The following ZNF362 variants were observed in gnomAD, a reference collection of about 807,000 sequenced individuals.
ZNF362 encodes zinc finger protein 362, also known as rotund homolog.
Under a neutral mutation model 42.9 loss-of-function variants are expected in ZNF362, and 11 were observed. That is an observed-to-expected ratio of 0.26 (90% CI 0.16 to 0.42). The LOEUF (loss-of-function observed/expected upper bound fraction) is 0.42, where lower values mean the gene tolerates loss of function less well. ZNF362 is among the 20% of genes least tolerant of loss of function. The pLI is 1.00. For missense variants in ZNF362, 362 were observed against 576.2 expected (o/e 0.63, Z 3.81); for synonymous variants, 255 against 257.3 (o/e 0.99, Z 0.09).
intron 6 of ZNF362, among the ~76,000 whole-genome samples, chr1:33,291,113 G>T (rs1442647674): frequency 1.3e-5 from 2 of 152,086 alleles, no homozygotes; most frequent in East Asian, 3.8e-4. Flanking sequence ...CATTGCTTTT[G>T]GTGTTTTAGA....
the ZNF362 span, among the ~76,000 whole-genome samples, chr1:33,229,540 G>A: frequency 6.6e-6 from 1 of 151,810 alleles, no homozygotes; most frequent in Non-Finnish European, 1.5e-5. Flanking sequence ...CTGAGTAGCT[G>A]GGATTACAGG....
chr1:33,280,278 C>T lies in ZNF362; in HGVS notation c.504C>T (p.Thr168=), dbSNP rs1645982720. 1 of 1,614,102 alleles carries T rather than the reference C, an allele frequency of 6.2e-7. No homozygotes were observed. Among genetic ancestry groups the T allele is most frequent in the Non-Finnish European group, 8.5e-7 (1 of 1,179,946 alleles). Reference sequence around the variant, plus strand: ...CCCCCACCCTCATCTCAGGGATCACCAGCCCCCCTCTCCTGGACTCCATCA... The same window carrying T: ...CCCCCACCCTCATCTCAGGGATCACTAGCCCCCCTCTCCTGGACTCCATCA... ...ASSPTLISGI[T]SPPLLDSIKT... is the part of the protein sequence containing the mutation. Residue 168 remains threonine (T), a synonymous_variant, in exon 5 of 9, where the codon ACC becomes ACT. Transcript: ENST00000539719. The surrounding 1 kb of genome is among the most constrained non-coding windows in gnomAD (Gnocchi z 5.6).
chr1:33,177,849 G>A, the ZNF362 span, among the ~76,000 whole-genome samples: 1 of 152,166 alleles, frequency 6.6e-6, no homozygotes, highest in Admixed American at 6.6e-5. This position sits in a 1 kb window ranked among gnomAD's most constrained non-coding sequence, Gnocchi z 4.1. Context: ...GCCAAGTGCA[G>A]TACTAAGTTT....
At chr1:33,244,527 G>A in the ZNF362 span, among the ~76,000 whole-genome samples, 1 of 152,222 alleles carries the variant, frequency 6.6e-6, no homozygotes, top group African/African-American at 2.4e-5. This position sits in a 1 kb window ranked among gnomAD's most constrained non-coding sequence, Gnocchi z 4.0. Context: ...TTTTGTGAGC[G>A]AAAGTCCTTC....
chr1:33,272,808 C>T (rs1343410862), intron 2 of ZNF362, among the ~76,000 whole-genome samples: 1 of 152,222 alleles, frequency 6.6e-6, no homozygotes, highest in Non-Finnish European at 1.5e-5. Flanking sequence ...CCTGTGTCTC[C>T]CCACCTCCCT....
the ZNF362 span, chr1:33,165,643 G>A: frequency 8.4e-4 from 1,095 of 1,299,222 alleles, 10 homozygotes; most frequent in African/African-American, 0.015. The surrounding 1 kb of genome is among the most constrained non-coding windows in gnomAD (Gnocchi z 4.0). Context: ...ACTGCCAGGC[G>A]CTGGGGGTTA....
Position 33,281,909 on chromosome 1 carries a change from C to CAGA in ZNF362, c.908+100_908+101insAAG. On this transcript the variant is annotated intron_variant, in intron 6 of 8. Transcript: ENST00000539719. The surrounding 1 kb of genome is among the most constrained non-coding windows in gnomAD (Gnocchi z 4.8). ...TGCAAGGAGGGGCAAGGACCTTCTC[C>CAGA]AGGTGCCCATTGCCCTCGGGGTCAC... is the stretch of plus-strand genomic sequence containing the variant. 2 of 1,316,636 alleles carry CAGA rather than the reference C, an allele frequency of 1.5e-6. No individual in the cohort carries two copies. Among genetic ancestry groups the CAGA allele is most frequent in the Admixed American group, 3.7e-5 (2 of 54,724 alleles). The allele number at this position is 1,316,636 out of a possible 1,614,324, so 81.6% of individuals were successfully genotyped here. A position where few individuals can be genotyped will look rare whatever the true frequency, so the allele number is the denominator to read the frequency against.
At chr1:33,229,417 T>C in the ZNF362 span, among the ~76,000 whole-genome samples, 7 of 151,470 alleles carry the variant, frequency 4.6e-5, no homozygotes, top group Admixed American at 1.3e-4. Context: ...TTTTTTTTTT[T>C]TTTTTGTGAG....
chr1:33,287,072 T>C lies in ZNF362; in HGVS notation c.908+5261T>C, dbSNP rs145309272. Among the ~76,000 whole-genome samples, 68 of 152,338 alleles carry C rather than the reference T, an allele frequency of 4.5e-4. No homozygotes were observed. The East Asian group carries it at 7.7e-3, about 17-fold the overall frequency. On this transcript the variant is annotated intron_variant, in intron 6 of 8. Transcript: ENST00000539719. Reference sequence around the variant, plus strand: ...GAAGGCACAAGCAAAGTGAGGGACTTGCAAAGTGTTGAACAAGTCCAGGCT... The same window carrying C: ...GAAGGCACAAGCAAAGTGAGGGACTCGCAAAGTGTTGAACAAGTCCAGGCT...
chr1:33,197,653 T>G, the ZNF362 span, among the ~76,000 whole-genome samples: 1 of 151,984 alleles, frequency 6.6e-6, no homozygotes, highest in Non-Finnish European at 1.5e-5. Context: ...CAGGCCACAG[T>G]ACGGGGGAGG....
chr1:33,159,818 T>C, the ZNF362 span: 8 of 1,613,794 alleles, frequency 5.0e-6, no homozygotes, highest in African/African-American at 2.7e-5. The surrounding 1 kb of genome is among the most constrained non-coding windows in gnomAD (Gnocchi z 4.2). Flanking sequence ...TTCTGCTCGA[T>C]GTCGGTCAGC....
the ZNF362 span, among the ~76,000 whole-genome samples, chr1:33,162,180 C>T: frequency 5.9e-5 from 9 of 152,214 alleles, no homozygotes; most frequent in Non-Finnish European, 1.2e-4. Flanking sequence ...TAGGAACCTT[C>T]TTTAGCTCCT....
the ZNF362 span, among the ~76,000 whole-genome samples, chr1:33,251,472 C>T: frequency 6.6e-6 from 1 of 152,220 alleles, no homozygotes; most frequent in African/African-American, 2.4e-5. Flanking sequence ...ACCCCCACCG[C>T]TTCCCTACTC....
At chr1:33,132,214 A>T in the ZNF362 span, among the ~76,000 whole-genome samples, 3 of 152,210 alleles carry the variant, frequency 2.0e-5, no homozygotes, top group Admixed American at 2.0e-4. Context: ...CTTACCCTCC[A>T]GCCACTATGT....
At position 33,290,332 on chromosome 1, in the gene ZNF362, C is replaced by T. The variant is rs369250781; in HGVS notation, c.909-4605C>T. 6.7e-4 allele frequency among the ~76,000 whole-genome samples: 101 copies of T among 151,568 alleles called. No homozygotes were observed. The East Asian group carries it at 0.012, about 18-fold the overall frequency. On this transcript the variant is annotated intron_variant, in intron 6 of 8. Transcript: ENST00000539719. ...TGCGGCGTTTGGTTTTTTGTCCTTG[C>T]GATAGTTTGCTGAGAATGATGGTTT...
chr1:33,211,302 T>C, the ZNF362 span, among the ~76,000 whole-genome samples: 1 of 152,200 alleles, frequency 6.6e-6, no homozygotes, highest in African/African-American at 2.4e-5. Flanking sequence ...GTTATTTCAC[T>C]GTTTAATTGA....
chr1:33,189,709 G>GTATATATATATATATATA, the ZNF362 span, among the ~76,000 whole-genome samples: 59 of 12,440 alleles, frequency 4.7e-3, 3 homozygotes, highest in East Asian at 0.019. Flanking sequence ...ACATATATAC[G>GTATATATATATATATATA]TATATATATA....
Position 33,266,876 on chromosome 1 carries a change from C to T in ZNF362, c.-88-3611C>T, listed in dbSNP as rs1331356897. ...GAGTGTGGCCAGGGGACCTTCTTGG[C>T]GAAAACCCGAGCATCAGACTGTGGA... On this transcript the variant is annotated intron_variant, in intron 1 of 8. Coordinates refer to ENST00000539719, the MANE Select transcript of ZNF362 (RefSeq NM_152493.3). The surrounding 1 kb of genome is among the most constrained non-coding windows in gnomAD (Gnocchi z 4.3). 6.6e-6 allele frequency among the ~76,000 whole-genome samples: 1 copy of T among 152,138 alleles called. No homozygotes were observed. The highest frequency in any genetic ancestry group is 2.4e-5 in the African/African-American group (1 of 41,424).
the ZNF362 span, among the ~76,000 whole-genome samples, chr1:33,153,124 G>A: frequency 6.6e-6 from 1 of 152,208 alleles, no homozygotes; most frequent in South Asian, 2.1e-4. Context: ...CCAATAGGAA[G>A]CCTGAGCTGG....
Sources: gnomAD v4.1 joint callset for allele counts (sites outside exome capture counted in the v4.1 genomes callset) on GRCh38, gnomAD v4.1.1 for gene constraint, Gnocchi (gnomAD v3.1) non-coding constraint, MANE v1.5 for transcripts, NCBI Gene and HGNC (gene_info 2026-07-23, HGNC 2026-07-21) for gene names.